GNA15: variants seen among roughly 807,000 people sequenced by gnomAD.
The protein encoded by GNA15 is guanine nucleotide-binding protein subunit alpha-15.
In GNA15, 23 loss-of-function variants were observed where a neutral mutation model predicts 40.1. The ratio of observed to expected loss-of-function variants is 0.57; its 90% CI spans 0.41 to 0.81. The LOEUF is 0.81. Among genes scored for constraint, GNA15 ranks in the 40% least tolerant of loss-of-function variants. The pLI is 0.00. For missense variants in GNA15, 522 were observed against 515.8 expected (o/e 1.01, Z -0.12); for synonymous variants, 226 against 210.4 (o/e 1.07, Z -0.64).
chr19:3,148,550 G>A, intron 1 of GNA15, 41 bp from the exon 2 acceptor site: 3 of 1,505,834 alleles, frequency 2.0e-6, no homozygotes, highest in Non-Finnish European at 2.7e-6. Flanking sequence ...GGGGGTGGGA[G>A]TCCCGTGGAG....
At chr19:3,138,147 T>G (rs1393124455) in intron 1 of GNA15, among the ~76,000 whole-genome samples, 3 of 151,812 alleles carry the variant, frequency 2.0e-5, no homozygotes, top group Non-Finnish European at 4.4e-5. Context: ...GTGCCTGTAA[T>G]CCCAGCTACT....
chr19:3,153,018 T>G, intron 4 of GNA15, among the ~76,000 whole-genome samples: 1 of 151,788 alleles, frequency 6.6e-6, no homozygotes, highest in Non-Finnish European at 1.5e-5. Flanking sequence ...CCCGCTCGGG[T>G]CCCCTTCCAC....
At chr19:3,145,353 ATATATAT>A (rs1275040798) in intron 1 of GNA15, among the ~76,000 whole-genome samples, 13 of 34,258 alleles carry the variant, frequency 3.8e-4, no homozygotes, top group Non-Finnish European at 5.5e-4. Context: ...ATATATATAT[ATATATAT>A]TTTTTTTTTT....
In GNA15 at chr19:3,155,674, C is replaced by A. The variant is rs555715074; in HGVS notation, c.615-149C>A. 9 of 872,554 alleles carry A rather than the reference C, an allele frequency of 1.0e-5. No homozygotes were observed. In the African/African-American group the frequency reaches 1.3e-4, roughly 13 times the overall value. The allele number at this position is 872,554 out of a possible 1,614,324, so 54.1% of individuals were successfully genotyped here. On this transcript the variant is annotated intron_variant, in intron 4 of 6. Coordinates refer to ENST00000262958, the MANE Select transcript of GNA15 (RefSeq NM_002068.4). The surrounding 1 kb of genome is among the most constrained non-coding windows in gnomAD (Gnocchi z 5.6). Reference sequence around the variant, plus strand: ...GGGCGTAAGACTCATCCTTGCCTCGCGGGAATGACATGGCAAATCCACGAG... The same window carrying A: ...GGGCGTAAGACTCATCCTTGCCTCGAGGGAATGACATGGCAAATCCACGAG...
intron 1 of GNA15, among the ~76,000 whole-genome samples, chr19:3,140,044 A>AAAAAATCTATCTATCTATCTATCTATGT (rs71307196): frequency 6.4e-5 from 8 of 124,052 alleles, no homozygotes; most frequent in Non-Finnish European, 1.1e-4. Context: ...AAAAAAAAAA[A>AAAAAATCTATCTATCTATCTATCTATGT]ATCTATCTAT....
intron 6 of GNA15, among the ~76,000 whole-genome samples, 158 bp from the exon 7 acceptor site, chr19:3,162,635 G>GA (rs142810848): frequency 0.036 from 5,461 of 152,264 alleles, 136 homozygotes; most frequent in Non-Finnish European, 0.05. Flanking sequence ...GGAGTCGTGT[G>GA]ACCAGCTATG....
rs79116524 is a variant in GNA15 at position 3,150,110 on chromosome 19, G to T, written c.331-21G>T. On this transcript the variant is annotated intron_variant, in intron 2 of 6. Coordinates refer to ENST00000262958, the MANE Select transcript of GNA15 (RefSeq NM_002068.4). ...CCCACTCAGAAAGGCTACCCTAACT[G>T]CCCCCGTCCTCCCTCCCCAGCACCA... The T allele has an allele frequency of 1.8e-3, 2,888 of 1,607,060 alleles. 39 individuals are homozygous for T. The African/African-American group carries it at 0.033, about 18-fold the overall frequency.
chr19:3,138,462 G>A (rs1333971415), intron 1 of GNA15, among the ~76,000 whole-genome samples: 1 of 152,126 alleles, frequency 6.6e-6, no homozygotes, highest in African/African-American at 2.4e-5. Flanking sequence ...GCGTTTGTCT[G>A]CCCCGGGCAA....
At chr19:3,138,575 A>C (rs1914505297) in intron 1 of GNA15, among the ~76,000 whole-genome samples, 1 of 151,866 alleles carries the variant, frequency 6.6e-6, no homozygotes, top group African/African-American at 2.4e-5. Flanking sequence ...GATGGTGGGG[A>C]CCCCCAGGAA....
At chr19:3,143,126 C>T (rs1914616958) in intron 1 of GNA15, 1 of 152,148 alleles carries the variant, frequency 6.6e-6, no homozygotes, top group South Asian at 2.1e-4. Context: ...AAGTTTACTC[C>T]CCTGGGGTTC....
rs1261285983 is a variant in GNA15, at chr19:3,155,162, G to A, written c.615-661G>A. 6.6e-6 allele frequency: 1 copy of A among 152,422 alleles called. No homozygotes were observed. Among genetic ancestry groups the A allele is most frequent in the Non-Finnish European group, 1.5e-5 (1 of 68,200 alleles). The allele number at this position is 152,422 out of a possible 1,614,324, so 9.4% of individuals were successfully genotyped here. ...TTTCCCCTCCTGTGCAATGGGGCAA[G>A]TCCCTTCTTGCTTGAGGCCCTGGGC... On this transcript the variant is annotated intron_variant, in intron 4 of 6. Transcript: ENST00000262958. The surrounding 1 kb of genome is among the most constrained non-coding windows in gnomAD (Gnocchi z 5.6).
At chr19:3,147,414 G>A (rs544581100) in intron 1 of GNA15, among the ~76,000 whole-genome samples, 5 of 151,884 alleles carry the variant, frequency 3.3e-5, no homozygotes, top group Admixed American at 6.6e-5. Flanking sequence ...TTAACTAGGC[G>A]TGGTGGCACG....
At chr19:3,138,942 TTTTTTTTTTTTTC>T (rs1914517777) in intron 1 of GNA15, among the ~76,000 whole-genome samples, 1 of 136,432 alleles carries the variant, frequency 7.3e-6, no homozygotes, top group African/African-American at 2.8e-5. Context: ...CCAGCCTCTT[TTTTTTTTTTTTTC>T]TTTTTTTTTA....
chr19:3,143,220 G>A (rs1914619281), intron 1 of GNA15: 1 of 152,198 alleles, frequency 6.6e-6, no homozygotes, highest in East Asian at 1.9e-4. Flanking sequence ...CATAGAATCT[G>A]TGAGGATTAA....
At chr19:3,144,787 C>T (rs532078782) in intron 1 of GNA15, among the ~76,000 whole-genome samples, 1 of 151,360 alleles carries the variant, frequency 6.6e-6, no homozygotes, top group South Asian at 2.1e-4. Context: ...CTTGGCCTCC[C>T]ATAGTGCTGA....
At chr19:3,156,253 A>C (rs1479498026) in intron 5 of GNA15, among the ~76,000 whole-genome samples, 1 of 151,396 alleles carries the variant, frequency 6.6e-6, no homozygotes, top group East Asian at 1.9e-4. Flanking sequence ...ACACGCACAG[A>C]CACGTGCATA....
intron 1 of GNA15, among the ~76,000 whole-genome samples, chr19:3,147,663 T>C (rs758980790): frequency 6.6e-6 from 1 of 151,216 alleles, no homozygotes; most frequent in East Asian, 1.9e-4. Context: ...TCCCAGCACT[T>C]TGGGAGGCCG....
intron 3 of GNA15, among the ~76,000 whole-genome samples, chr19:3,150,902 G>A (rs1914866867): frequency 6.6e-6 from 1 of 151,934 alleles, no homozygotes; most frequent in African/African-American, 2.4e-5. Flanking sequence ...TGTTCCCGGG[G>A]GTGACTCTGT....
chr19:3,161,358 T>C (rs1350432887), intron 6 of GNA15, among the ~76,000 whole-genome samples: 1 of 152,206 alleles, frequency 6.6e-6, no homozygotes, highest in African/African-American at 2.4e-5. Context: ...ACTGTTCACC[T>C]CAATATACAA....
Sources: gnomAD v4.1 joint callset for allele counts (sites outside exome capture counted in the v4.1 genomes callset) on GRCh38, gnomAD v4.1.1 for gene constraint, Gnocchi (gnomAD v3.1) non-coding constraint, MANE v1.5 for transcripts, NCBI Gene and HGNC (gene_info 2026-07-23, HGNC 2026-07-21) for gene names.